Variants in TTC28 observed in about 807,000 individuals in gnomAD.
The protein encoded by TTC28 is tetratricopeptide repeat domain 28, also known as tetratricopeptide repeat protein 28.
TTC28 carries 61 observed loss-of-function variants against 198.0 expected under a neutral mutation model. That is an observed-to-expected ratio of 0.31 (90% confidence interval 0.25 to 0.38). The LOEUF is 0.38. Ranked by LOEUF, TTC28 falls within the 10% of genes least tolerant of loss-of-function variation. The pLI is 1.00. For synonymous variants in TTC28, 1,171 were observed against 1,297.8 expected, an observed-to-expected ratio of 0.90 and a Z score of 2.10; for missense variants, 2,678 against 3,164.0, an observed-to-expected ratio of 0.85 and a Z score of 3.69.
chr22:28,640,796 G>C (rs564308042), intron 1 of TTC28, among the ~76,000 whole-genome samples: 1 of 152,174 alleles, frequency 6.6e-6, no homozygotes, highest in African/African-American at 2.4e-5. Context: ...AACCACTGTG[G>C]AAATAGTACG....
chr22:28,288,533 C>T (rs1002660193), intron 5 of TTC28, among the ~76,000 whole-genome samples: 3 of 152,196 alleles, frequency 2.0e-5, no homozygotes, highest in East Asian at 1.9e-4. Context: ...ATAGGCTGGG[C>T]GCGGTGGCTC....
chr22:27,988,230 G>T (rs567064357), intron 21 of TTC28, among the ~76,000 whole-genome samples: 2 of 150,830 alleles, frequency 1.3e-5, no homozygotes, highest in Non-Finnish European at 2.9e-5. Flanking sequence ...GTCGGGGAAG[G>T]TCACCCACAA....
intron 1 of TTC28, among the ~76,000 whole-genome samples, chr22:28,678,933 T>G (rs2052045088): frequency 6.6e-6 from 1 of 152,208 alleles, no homozygotes; most frequent in Admixed American, 6.5e-5. Flanking sequence ...CGTGGCATTT[T>G]GATCAGGTGC....
intron 13 of TTC28, among the ~76,000 whole-genome samples, chr22:28,029,644 G>T (rs1185090310): frequency 2.0e-5 from 3 of 152,198 alleles, no homozygotes. Flanking sequence ...AGATGAAGGG[G>T]TGTGCTGGCT....
At chr22:28,454,088 G>A (rs986939759) in intron 2 of TTC28, among the ~76,000 whole-genome samples, 5 of 152,128 alleles carry the variant, frequency 3.3e-5, no homozygotes, top group Admixed American at 2.0e-4. Context: ...CCACATTCAA[G>A]TTTCTTGTCA....
chr22:28,148,852 G>A (rs1943539663), intron 6 of TTC28, among the ~76,000 whole-genome samples: 1 of 152,060 alleles, frequency 6.6e-6, no homozygotes, highest in African/African-American at 2.4e-5. Context: ...CAGTAGTAAG[G>A]CACAAATAGA....
intron 5 of TTC28, among the ~76,000 whole-genome samples, chr22:28,236,921 A>G (rs1929289073): frequency 6.6e-6 from 1 of 152,186 alleles, no homozygotes; most frequent in South Asian, 2.1e-4. Flanking sequence ...GAGGACCTCA[A>G]ACCCCTAAAG....
intron 12 of TTC28, among the ~76,000 whole-genome samples, chr22:28,060,341 T>C (rs905532204): frequency 3.7e-4 from 56 of 152,170 alleles, no homozygotes; most frequent in African/African-American, 1.3e-3. Flanking sequence ...AATGAGAACA[T>C]GCGGTGTTTG....
intron 2 of TTC28, among the ~76,000 whole-genome samples, chr22:28,401,642 C>T (rs529316015): frequency 6.6e-6 from 1 of 151,928 alleles, no homozygotes; most frequent in South Asian, 2.1e-4. Flanking sequence ...AAAACTAAAC[C>T]AGGTCAGGCA....
chr22:28,077,605 T>C (rs1941210625), intron 12 of TTC28, among the ~76,000 whole-genome samples: 1 of 152,240 alleles, frequency 6.6e-6, no homozygotes, highest in South Asian at 2.1e-4. Context: ...CCGCTTGTTA[T>C]CAGTGTAGAA....
chr22:28,074,670 A>G (rs1404629829), intron 12 of TTC28, among the ~76,000 whole-genome samples: 1 of 152,210 alleles, frequency 6.6e-6, no homozygotes, highest in Non-Finnish European at 1.5e-5. Flanking sequence ...GCCCAGTGAC[A>G]GGCTCATGAC....
intron 6 of TTC28, among the ~76,000 whole-genome samples, chr22:28,122,323 T>C (rs1030023441): frequency 3.3e-5 from 5 of 152,222 alleles, no homozygotes; most frequent in Non-Finnish European, 7.3e-5. Context: ...GGTTTTATTA[T>C]CCTTAAACCT....
At chr22:28,342,595 C>A (rs1188452269) in intron 2 of TTC28, among the ~76,000 whole-genome samples, 1 of 152,018 alleles carries the variant, frequency 6.6e-6, no homozygotes, top group East Asian at 1.9e-4. Flanking sequence ...ATGGACAAAG[C>A]AGGATAAAAT....
chr22:28,209,130 A>C (rs1926668936), intron 5 of TTC28, among the ~76,000 whole-genome samples: 1 of 152,226 alleles, frequency 6.6e-6, no homozygotes, highest in Non-Finnish European at 1.5e-5. Flanking sequence ...GAGACATTAG[A>C]AAACTGGTTG....
chr22:28,570,543 G>C (rs2050043789), intron 2 of TTC28, among the ~76,000 whole-genome samples: 1 of 152,128 alleles, frequency 6.6e-6, no homozygotes, highest in South Asian at 2.1e-4. Context: ...ACTGGGGCCT[G>C]CTTGAGGTTT....
At chr22:28,207,751 G>A (rs1375437054) in intron 5 of TTC28, among the ~76,000 whole-genome samples, 2 of 152,148 alleles carry the variant, frequency 1.3e-5, no homozygotes, top group African/African-American at 2.4e-5. Context: ...CCTTCAGGGA[G>A]GATTTGGCCT....
intron 2 of TTC28, among the ~76,000 whole-genome samples, chr22:28,464,151 A>T (rs1209908755): frequency 1.3e-5 from 2 of 152,136 alleles, no homozygotes; most frequent in Non-Finnish European, 2.9e-5. Context: ...ATACTAACAC[A>T]TTGGAAGAGC....
chr22:28,655,540 C>A (rs897016201), intron 1 of TTC28, among the ~76,000 whole-genome samples: 14 of 152,088 alleles, frequency 9.2e-5, no homozygotes, highest in African/African-American at 3.4e-4. Flanking sequence ...CAAATTATTT[C>A]AAAAAAACAA....
intron 6 of TTC28, among the ~76,000 whole-genome samples, chr22:28,132,434 C>G (rs531970978): frequency 6.6e-6 from 1 of 152,162 alleles, no homozygotes; most frequent in South Asian, 2.1e-4. Context: ...AGGAGAAATG[C>G]GTTCTCTTCT....
Sources: gnomAD v4.1 joint callset for allele counts (sites outside exome capture counted in the v4.1 genomes callset) on GRCh38, gnomAD v4.1.1 for gene constraint, MANE v1.5 for transcripts, NCBI Gene and HGNC (gene_info 2026-07-23, HGNC 2026-07-21) for gene names.